ZNF718: variants seen among roughly 807,000 people sequenced by gnomAD.
ZNF718 encodes the protein zinc finger protein 718.
A neutral mutation model predicts 2.6 loss-of-function variants in ZNF718; 3 were observed. The observed-to-expected ratio is 1.16, with a 90% CI of 0.53 to 3.01. ZNF718 has a LOEUF of 3.01. Among genes scored for constraint, ZNF718 ranks in the 30% most tolerant of loss-of-function variants. The pLI is 0.03. For synonymous variants in ZNF718, 135 were observed against 77.9 expected, an observed-to-expected ratio of 1.73 and a Z score of -3.86; for missense variants, 468 against 230.0, an observed-to-expected ratio of 2.03 and a Z score of -6.69.
At chr4:177,308 A>G (rs1717368855) in intron 3 of ZNF718, among the ~76,000 whole-genome samples, 1 of 152,204 alleles carries the variant, frequency 6.6e-6, no homozygotes, top group Admixed American at 6.5e-5. Context: ...CAGAAATTGT[A>G]GAGGTCTTGA....
intron 3 of ZNF718, chr4:149,741 G>A (rs1431351625): frequency 1.3e-5 from 2 of 151,948 alleles, no homozygotes; most frequent in African/African-American, 4.8e-5. Context: ...TTCTTGTGTA[G>A]GTGAGTAGTC....
downstream of ZNF718, among the ~76,000 whole-genome samples, chr4:168,263 T>G (rs1717136539): frequency 6.6e-6 from 1 of 152,234 alleles, no homozygotes; most frequent in Non-Finnish European, 1.5e-5. Flanking sequence ...AGTATTTTAT[T>G]GAGGATTTTC....
intron 3 of ZNF718, among the ~76,000 whole-genome samples, chr4:171,395 C>T (rs1553817931): frequency 6.6e-6 from 1 of 152,178 alleles, no homozygotes; most frequent in African/African-American, 2.4e-5. Flanking sequence ...TTTAAGTCTG[C>T]AGAGGATTCT....
chr4:124,570 GC>G lies in ZNF718; in HGVS notation c.-99del. The G allele has an allele frequency of 1.3e-6, 2 of 1,535,270 alleles. No homozygotes were observed. The highest frequency in any genetic ancestry group is 1.8e-6 in the Non-Finnish European group (2 of 1,122,956). Reference sequence around the variant, plus strand: ...CGCTCTGCTCCCGCTCCTTAGGGAAGCCTCGGTGATTCTGCCACAGCCTCAG... The same window carrying G: ...CGCTCTGCTCCCGCTCCTTAGGGAAGCTCGGTGATTCTGCCACAGCCTCAG... On this transcript the variant is annotated 5_prime_UTR_variant, in exon 1 of 4. Transcript: ENST00000510175.
chr4:144,296 G>A (rs1715951228), intron 3 of ZNF718, among the ~76,000 whole-genome samples: 2 of 152,156 alleles, frequency 1.3e-5, no homozygotes, highest in Non-Finnish European at 2.9e-5. Context: ...ATACTTTCTA[G>A]CGGTAACAAT....
chr4:165,475 T>G (rs577625375), downstream of ZNF718, among the ~76,000 whole-genome samples: 9 of 152,270 alleles, frequency 5.9e-5, no homozygotes, highest in East Asian at 1.5e-3. Context: ...CATCCAAATT[T>G]TGAAATCTCT....
chr4:136,376 A>T lies in ZNF718; in HGVS notation c.226+4871A>T, dbSNP rs1418084201. 6 of 520,238 alleles carry T rather than the reference A, an allele frequency of 1.2e-5. No individual in the cohort carries two copies. In the Admixed American group the frequency reaches 1.2e-4, roughly 10 times the overall value. 32.2% of individuals were successfully genotyped at this position (520,238 alleles called of 1,614,324 possible). A position where few individuals can be genotyped will look rare whatever the true frequency, so the allele number is the denominator to read the frequency against. ...GATCTGTAGGCCTGCCTCCAGGTCC[A>T]TGGCTGGGTGTGTCTCCTTGCAGGT... On this transcript the variant is annotated intron_variant, in intron 3 of 3. Transcript: ENST00000510175.
chr4:196,124 G>A (rs1189379520), intron 3 of ZNF718, among the ~76,000 whole-genome samples: 5 of 151,960 alleles, frequency 3.3e-5, no homozygotes, highest in African/African-American at 1.2e-4. Flanking sequence ...AGTTCCAGTT[G>A]TTAAAGTACT....
At chr4:156,505 A>G (rs1553813680) in intron 3 of ZNF718, among the ~76,000 whole-genome samples, 2 of 145,296 alleles carry the variant, frequency 1.4e-5, no homozygotes, top group Non-Finnish European at 3.0e-5. Flanking sequence ...AAAAAAACAG[A>G]CTTTACAATC....
Position 131,445 on chromosome 4 carries a change from C to A in ZNF718, c.166C>A (p.Leu56Met). 1 of 526,468 alleles carries A rather than the reference C, an allele frequency of 1.9e-6. No individual in the cohort carries two copies. The highest frequency in any genetic ancestry group is 3.2e-5 in the South Asian group (1 of 31,592). 32.6% of individuals were successfully genotyped at this position (526,468 alleles called of 1,614,324 possible). The part of the protein sequence containing the change: ...SISNPDLVTS[L>M]EQRKEPYNLK... ...CTCTAACCCAGACCTGGTCACCAGT[C>A]TGGAGCAAAGAAAAGAGCCCTACAA... The change falls in exon 3 of 4, where the codon CTG becomes ATG. Residue 56 changes from leucine to methionine, a missense_variant. Coordinates refer to ENST00000510175, the MANE Select transcript of ZNF718 (RefSeq NM_001039127.6).
intron 1 of ZNF718, among the ~76,000 whole-genome samples, chr4:126,228 T>G (rs576191158): frequency 1.3e-5 from 2 of 152,358 alleles, no homozygotes; most frequent in Non-Finnish European, 2.9e-5. Flanking sequence ...GCCTTAGACC[T>G]GGCTGTTGTA....
At chr4:174,424 C>G (rs1044413042) in intron 3 of ZNF718, among the ~76,000 whole-genome samples, 7 of 152,186 alleles carry the variant, frequency 4.6e-5, no homozygotes, top group Non-Finnish European at 1.0e-4. Context: ...TCTGTCTTCC[C>G]AGGCCCTCCA....
At chr4:189,764 T>C (rs1168389551) in intron 3 of ZNF718, among the ~76,000 whole-genome samples, 1 of 152,226 alleles carries the variant, frequency 6.6e-6, no homozygotes, top group Non-Finnish European at 1.5e-5. Context: ...TGATTTTTTA[T>C]ACATGCTTTC....
chr4:139,526 ATTT>A (rs1364653730), intron 3 of ZNF718, among the ~76,000 whole-genome samples: 1 of 152,222 alleles, frequency 6.6e-6, no homozygotes, highest in Admixed American at 6.5e-5. Context: ...ACTAGGGGGT[ATTT>A]AAACTCCCAA....
Position 187,055 on chromosome 4 carries a change from T to G in ZNF718, c.227-14026T>G, listed in dbSNP as rs562535477. Among the ~76,000 whole-genome samples, 14 of 152,334 alleles carry G rather than the reference T, an allele frequency of 9.2e-5. No homozygotes were observed. The South Asian group carries it at 2.9e-3, about 32-fold the overall frequency. The stretch of plus-strand genomic sequence containing the variant: ...TGTGGGCTTATCTATTTTCAATCTT[T>G]CAGGTTGCTGACCTTTGGATGGGGT... On this transcript the variant is annotated intron_variant and NMD_transcript_variant, in intron 3 of 4. Coordinates refer to the ZNF718 transcript ENST00000642529.
At chr4:154,868 T>C (rs1716492215) in intron 3 of ZNF718, among the ~76,000 whole-genome samples, 1 of 152,226 alleles carries the variant, frequency 6.6e-6, no homozygotes, top group Non-Finnish European at 1.5e-5. Flanking sequence ...CTCTAGGGCA[T>C]TTCAGAGAAC....
chr4:192,060 G>A (rs1362094893), intron 3 of ZNF718, among the ~76,000 whole-genome samples: 3 of 152,178 alleles, frequency 2.0e-5, no homozygotes, highest in African/African-American at 7.2e-5. Context: ...AGTCAGGAGT[G>A]GCAATGGGCA....
chr4:173,056 AAAAT>A (rs538649443), intron 3 of ZNF718, among the ~76,000 whole-genome samples: 117 of 152,148 alleles, frequency 7.7e-4, no homozygotes, highest in African/African-American at 2.7e-3. Context: ...AAAAATAAAT[AAAAT>A]AAAAATAAAT....
At chr4:191,929 T>C (rs1157502642) in intron 3 of ZNF718, among the ~76,000 whole-genome samples, 1 of 152,148 alleles carries the variant, frequency 6.6e-6, no homozygotes, top group Non-Finnish European at 1.5e-5. Context: ...GTCAGTGTTA[T>C]AGCTCTATTA....
Sources: gnomAD v4.1 joint callset for allele counts (sites outside exome capture counted in the v4.1 genomes callset) on GRCh38, gnomAD v4.1.1 for gene constraint, MANE v1.5 for transcripts, NCBI Gene and HGNC (gene_info 2026-07-23, HGNC 2026-07-21) for gene names.